PTPN11: variants seen among roughly 807,000 people sequenced by gnomAD.
The protein encoded by PTPN11 is tyrosine-protein phosphatase non-receptor type 11.
PTPN11 carries 6 observed loss-of-function variants against 78.8 expected under a neutral mutation model. That is an observed-to-expected ratio of 0.08 (90% CI 0.04 to 0.15). PTPN11 has a LOEUF of 0.15. PTPN11 is among the 10% of genes least tolerant of loss of function. The pLI is 1.00. For missense variants in PTPN11, 386 were observed against 744.8 expected, an observed-to-expected ratio of 0.52 and a Z score of 5.61; for synonymous variants, 221 against 263.5, an observed-to-expected ratio of 0.84 and a Z score of 1.56.
chr12:112,452,849 A>G (rs1029655261), intron 3 of PTPN11, among the ~76,000 whole-genome samples: 1 of 152,348 alleles, frequency 6.6e-6, no homozygotes, highest in Middle Eastern at 3.4e-3. Flanking sequence ...TTAAATGGCT[A>G]TAATTAAACA....
rs1031982037 is a variant in PTPN11, at chr12:112,500,506, C to T, written c.1600-1638C>T. On this transcript the variant is annotated intron_variant, in intron 13 of 15. Transcript: ENST00000351677. ...TGTCTGTTTTGCAGCTTCTTCCCTA[C>T]ACTATAAGTTCTTACTGACTGCTTT... 2.6e-5 allele frequency among the ~76,000 whole-genome samples: 4 copies of T among 152,320 alleles called. No homozygotes were observed. The East Asian group carries it at 5.8e-4, about 22-fold the overall frequency.
At chr12:112,421,692 T>C (rs948233827) in intron 1 of PTPN11, among the ~76,000 whole-genome samples, 7 of 152,098 alleles carry the variant, frequency 4.6e-5, no homozygotes, top group African/African-American at 1.7e-4. Flanking sequence ...TGGAGTGCAG[T>C]GGTGCAATCA....
intron 1 of PTPN11, among the ~76,000 whole-genome samples, chr12:112,424,515 C>T (rs2037574353): frequency 6.6e-6 from 1 of 152,018 alleles, no homozygotes; most frequent in Admixed American, 6.6e-5. Context: ...GGAGATGAGA[C>T]AAGTGATGAG....
intron 2 of PTPN11, among the ~76,000 whole-genome samples, chr12:112,449,118 C>T (rs2038038461): frequency 6.6e-6 from 1 of 151,228 alleles, no homozygotes; most frequent in Admixed American, 6.6e-5. Context: ...GTCTGCTGAC[C>T]TCAGGTGATC....
rs2038952506 is a variant in PTPN11, at chr12:112,507,761, C to T, written c.*1969C>T. 1 of 152,546 alleles carries T rather than the reference C, an allele frequency of 6.6e-6. No homozygotes were observed. The highest frequency in any genetic ancestry group is 1.9e-4 in the East Asian group (1 of 5,194). 9.4% of individuals were successfully genotyped at this position (152,546 alleles called of 1,614,324 possible). A position where few individuals can be genotyped will look rare whatever the true frequency, so the allele number is the denominator to read the frequency against. On this transcript the variant is annotated 3_prime_UTR_variant, in exon 16 of 16. Coordinates refer to ENST00000351677, the MANE Select transcript of PTPN11 (RefSeq NM_002834.5). ...TAGTTCCTTTCTGAGGTCTCTCAGT[C>T]CCTTGAGACTTTGGGGTAGTTTGGC... is the stretch of plus-strand genomic sequence containing the variant.
intron 1 of PTPN11, among the ~76,000 whole-genome samples, chr12:112,420,431 C>T (rs1483674958): frequency 1.3e-5 from 2 of 151,902 alleles, no homozygotes; most frequent in African/African-American, 2.4e-5. Flanking sequence ...CCACAATCTC[C>T]GCCTCCTAGG....
chr12:112,484,490 G>C (rs1160888472), intron 10 of PTPN11, among the ~76,000 whole-genome samples: 4 of 152,168 alleles, frequency 2.6e-5, no homozygotes, highest in African/African-American at 9.7e-5. Flanking sequence ...CGGATGAGGG[G>C]GACAGGGGCA....
chr12:112,443,787 G>A (rs2037946637), intron 1 of PTPN11, among the ~76,000 whole-genome samples: 2 of 151,676 alleles, frequency 1.3e-5, no homozygotes, highest in African/African-American at 4.8e-5. Flanking sequence ...TTAGTAGCTG[G>A]GACTATAGGC....
chr12:112,486,411 C>T lies in PTPN11; in HGVS notation c.1225-64C>T, dbSNP rs962046817. ...CATTGGATTTAGGAAAGCTTAGAAC[C>T]GGGTGATTCCTCAACCTCTTGATTT... On this transcript the variant is annotated intron_variant, in intron 10 of 15. Transcript: ENST00000351677. 118 of 1,485,424 alleles carry T rather than the reference C, an allele frequency of 7.9e-5. No homozygotes were observed. In the Middle Eastern group the frequency reaches 1.2e-3, roughly 15 times the overall value. The allele number at this position is 1,485,424 out of a possible 1,614,324, so 92.0% of individuals were successfully genotyped here. A position where few individuals can be genotyped will look rare whatever the true frequency, so the allele number is the denominator to read the frequency against.
intron 1 of PTPN11, among the ~76,000 whole-genome samples, chr12:112,428,396 CTTTT>C (rs11312766): frequency 5.9e-5 from 5 of 84,460 alleles, no homozygotes; most frequent in Non-Finnish European, 9.5e-5. Context: ...TGTGTGTTGT[CTTTT>C]TTTTTTTTTT....
intron 7 of PTPN11, among the ~76,000 whole-genome samples, chr12:112,476,622 A>T (rs185971850): frequency 6.6e-6 from 1 of 152,278 alleles, no homozygotes; most frequent in African/African-American, 2.4e-5. Flanking sequence ...TACAAAAATT[A>T]GCCAGATGTG....
At chr12:112,476,072 C>G (rs1286998159) in intron 7 of PTPN11, among the ~76,000 whole-genome samples, 1 of 152,106 alleles carries the variant, frequency 6.6e-6, no homozygotes, top group Non-Finnish European at 1.5e-5. Flanking sequence ...CCCAAAGTGC[C>G]AGGATTACAG....
chr12:112,430,249 G>C (rs2037691124), intron 1 of PTPN11, among the ~76,000 whole-genome samples: 1 of 152,124 alleles, frequency 6.6e-6, no homozygotes. Context: ...TGATCTGCCT[G>C]CCTCAGCCTC....
At chr12:112,430,761 C>T (rs1010192915) in intron 1 of PTPN11, among the ~76,000 whole-genome samples, 2 of 151,118 alleles carry the variant, frequency 1.3e-5, no homozygotes, top group South Asian at 2.1e-4. Flanking sequence ...GGTGGAGATG[C>T]GGTCTTACTT....
chr12:112,424,957 TGTGTGTG>T (rs2037588836), intron 1 of PTPN11, among the ~76,000 whole-genome samples: 4 of 17,814 alleles, frequency 2.2e-4, no homozygotes, highest in East Asian at 1.7e-3. Context: ...TCAGGCTAAT[TGTGTGTG>T]TGTGTGTGTG....
chr12:112,473,097 A>C (rs547083802), intron 7 of PTPN11, 57 bp downstream of exon 7: 2 of 1,354,756 alleles, frequency 1.5e-6, no homozygotes, highest in African/African-American at 1.4e-5. Context: ...GATTCCTAGC[A>C]CCTCTGTACC....
intron 6 of PTPN11, among the ~76,000 whole-genome samples, chr12:112,458,780 C>T (rs1187885057): frequency 3.3e-5 from 5 of 152,160 alleles, no homozygotes; most frequent in African/African-American, 1.2e-4. Context: ...CTCCTGTAAT[C>T]TCAGCACTTT....
intron 7 of PTPN11, among the ~76,000 whole-genome samples, chr12:112,474,115 G>A (rs977653031): frequency 6.6e-6 from 1 of 152,144 alleles, no homozygotes; most frequent in African/African-American, 2.4e-5. Flanking sequence ...CTGGGAGGCC[G>A]AGGTGGGCGG....
intron 10 of PTPN11, among the ~76,000 whole-genome samples, chr12:112,484,089 C>T (rs2038638418): frequency 1.3e-5 from 2 of 152,038 alleles, no homozygotes; most frequent in South Asian, 4.1e-4. Context: ...AAGGTGGCCA[C>T]AGATGCCGGT....
Sources: allele counts gnomAD v4.1 joint callset (sites outside exome capture counted in the v4.1 genomes callset), GRCh38; gene constraint gnomAD v4.1.1; transcripts MANE v1.5; gene names NCBI Gene and HGNC (gene_info 2026-07-23, HGNC 2026-07-21).